LRRC4C: variants seen among roughly 807,000 people sequenced by gnomAD.
LRRC4C encodes leucine rich repeat containing 4C.
A neutral mutation model predicts 33.6 loss-of-function variants in LRRC4C; 5 were observed. The ratio of observed to expected loss-of-function variants is 0.15; its 90% CI spans 0.08 to 0.31. LRRC4C has a LOEUF of 0.31. Among genes scored for constraint, LRRC4C ranks in the 10% least tolerant of loss-of-function variants. The pLI is 1.00. For synonymous variants in LRRC4C, 329 were observed against 302.0 expected (o/e 1.09, Z -0.93); for missense variants, 560 against 796.7 (o/e 0.70, Z 3.58).
intron 1 of LRRC4C, among the ~76,000 whole-genome samples, chr11:41,329,041 C>G (rs1951211696): frequency 1.3e-5 from 2 of 152,130 alleles, no homozygotes; most frequent in South Asian, 4.1e-4. Flanking sequence ...GTATGTGTTT[C>G]TGGAATAATA....
intron 3 of LRRC4C, among the ~76,000 whole-genome samples, chr11:40,514,266 C>T (rs897183521): frequency 2.0e-5 from 3 of 152,018 alleles, no homozygotes; most frequent in Non-Finnish European, 4.4e-5. Flanking sequence ...CAAAGTGTTG[C>T]AATAAGTCAA....
chr11:40,754,671 T>C (rs184362670), intron 2 of LRRC4C, among the ~76,000 whole-genome samples: 1 of 152,264 alleles, frequency 6.6e-6, no homozygotes. Flanking sequence ...ATTATTTCTT[T>C]ATTAGCATAT....
At chr11:40,771,825 T>C (rs1479774789) in intron 2 of LRRC4C, among the ~76,000 whole-genome samples, 1 of 152,180 alleles carries the variant, frequency 6.6e-6, no homozygotes, top group Non-Finnish European at 1.5e-5. Context: ...TTCATAACAC[T>C]GTCAGCATTT....
At chr11:41,418,746 A>C (rs2138298741) in intron 1 of LRRC4C, among the ~76,000 whole-genome samples, 1 of 152,088 alleles carries the variant, frequency 6.6e-6, no homozygotes, top group African/African-American at 2.4e-5. Flanking sequence ...TTACTTTCTA[A>C]AGCTCAGTTT....
At chr11:41,064,145 T>C (rs1277425167) in intron 1 of LRRC4C, among the ~76,000 whole-genome samples, 1 of 152,242 alleles carries the variant, frequency 6.6e-6, no homozygotes, top group African/African-American at 2.4e-5. Flanking sequence ...CAACTAATTA[T>C]TTATTTACCA....
At chr11:41,118,287 G>A (rs918033501) in intron 1 of LRRC4C, among the ~76,000 whole-genome samples, 1 of 152,078 alleles carries the variant, frequency 6.6e-6, no homozygotes, top group African/African-American at 2.4e-5. Flanking sequence ...CTTACATTAT[G>A]AGGACAATTT....
At chr11:40,784,516 G>T (rs1345669031) in intron 2 of LRRC4C, among the ~76,000 whole-genome samples, 2 of 152,184 alleles carry the variant, frequency 1.3e-5, no homozygotes, top group Non-Finnish European at 2.9e-5. Flanking sequence ...ATCAAGCAAT[G>T]ATAGTAACAT....
intron 1 of LRRC4C, among the ~76,000 whole-genome samples, chr11:41,179,429 A>T (rs966005492): frequency 3.3e-5 from 5 of 152,212 alleles, no homozygotes; most frequent in African/African-American, 4.8e-5. Context: ...ATCTGGCCTG[A>T]GGGCCTGATC....
At chr11:40,873,029 A>G (rs977633673) in intron 2 of LRRC4C, among the ~76,000 whole-genome samples, 2 of 152,178 alleles carry the variant, frequency 1.3e-5, no homozygotes, top group Non-Finnish European at 2.9e-5. Context: ...ATATCTCAGT[A>G]GGACTGCAGA....
chr11:41,017,220 G>A (rs1211680896), intron 1 of LRRC4C, among the ~76,000 whole-genome samples: 1 of 152,146 alleles, frequency 6.6e-6, no homozygotes, highest in Non-Finnish European at 1.5e-5. Flanking sequence ...AAGTAAAGTA[G>A]TTGAACAAAC....
chr11:40,777,891 T>C (rs1439933373), intron 2 of LRRC4C, among the ~76,000 whole-genome samples: 2 of 152,174 alleles, frequency 1.3e-5, no homozygotes, highest in South Asian at 4.2e-4. Flanking sequence ...TGTTTCACCA[T>C]GTTAGCCAGG....
At chr11:40,186,844 C>G (rs1861441160) in intron 5 of LRRC4C, among the ~76,000 whole-genome samples, 1 of 152,136 alleles carries the variant, frequency 6.6e-6, no homozygotes, top group South Asian at 2.1e-4. Context: ...TTGGTTTCCC[C>G]CTTTAAGCAA....
chr11:40,943,555 G>T (rs140655612), intron 1 of LRRC4C, among the ~76,000 whole-genome samples: 1 of 152,224 alleles, frequency 6.6e-6, no homozygotes, highest in African/African-American at 2.4e-5. Flanking sequence ...TGCCTGGTTT[G>T]CCCCAAGAGA....
chr11:40,150,669 C>A (rs1432536396), intron 5 of LRRC4C, among the ~76,000 whole-genome samples: 1 of 152,010 alleles, frequency 6.6e-6, no homozygotes, highest in African/African-American at 2.4e-5. Context: ...TTCTCAAACC[C>A]CTGAGGCTCA....
Position 40,682,778 on chromosome 11 carries a change from A to AAAT in LRRC4C, c.-406-34501_-406-34500insATT, listed in dbSNP as rs761497397. On this transcript the variant is annotated intron_variant, in intron 2 of 6. Coordinates refer to ENST00000528697, the MANE Select transcript of LRRC4C (RefSeq NM_001258419.2). The stretch of plus-strand genomic sequence containing the variant: ...TAAATAAATAAATAAATAAATAAAT[A>AAAT]AAATAAAGATATCTCTGTTTATACA... Among the ~76,000 whole-genome samples the AAAT allele has an allele frequency of 4.7e-3, 684 of 144,370 alleles. 2 individuals are homozygous for AAAT. Among genetic ancestry groups the AAAT allele is most frequent in the Non-Finnish European group, 7.2e-3 (472 of 65,760 alleles). 94.7% of individuals were successfully genotyped at this position (144,370 alleles called of 152,430 possible).
At chr11:40,353,218 C>T (rs1339911340) in intron 3 of LRRC4C, among the ~76,000 whole-genome samples, 5 of 151,368 alleles carry the variant, frequency 3.3e-5, no homozygotes, top group African/African-American at 1.2e-4. Flanking sequence ...CTTAGATTTG[C>T]CTTTTTAGAT....
At chr11:41,253,467 G>T (rs1244400582) in intron 1 of LRRC4C, among the ~76,000 whole-genome samples, 1 of 151,972 alleles carries the variant, frequency 6.6e-6, no homozygotes, top group African/African-American at 2.4e-5. Flanking sequence ...ATATTACAGG[G>T]TTATCATACT....
intron 1 of LRRC4C, among the ~76,000 whole-genome samples, chr11:41,069,384 A>G (rs1938510453): frequency 6.6e-6 from 1 of 151,978 alleles, no homozygotes; most frequent in Non-Finnish European, 1.5e-5. Context: ...CTCTCTCACC[A>G]CTCCTATTCA....
rs186011509 is a variant in LRRC4C at position 41,449,287 on chromosome 11, A to G, written c.-496+10144T>C. Among the ~76,000 whole-genome samples, 38 of 152,290 alleles carry G rather than the reference A, an allele frequency of 2.5e-4. No homozygotes were observed. In the South Asian group the frequency reaches 7.0e-3, roughly 28 times the overall value. On this transcript the variant is annotated intron_variant, in intron 1 of 6. Coordinates refer to ENST00000528697, the MANE Select transcript of LRRC4C (RefSeq NM_001258419.2). ...GATGTTGGAAAAGTTGGAGCTAAATATGAAGTTGAAGTAAAAACCCAGGAA... is the reference window on the plus strand; with the variant it reads ...GATGTTGGAAAAGTTGGAGCTAAATGTGAAGTTGAAGTAAAAACCCAGGAA...
Sources: allele counts gnomAD v4.1 joint callset (sites outside exome capture counted in the v4.1 genomes callset), GRCh38; gene constraint gnomAD v4.1.1; transcripts MANE v1.5; gene names NCBI Gene and HGNC (gene_info 2026-07-23, HGNC 2026-07-21).